Variants in ERO1B observed in about 807,000 individuals in gnomAD.
The protein encoded by ERO1B is endoplasmic reticulum oxidoreductase 1 beta.
ERO1B carries 49 observed loss-of-function variants against 75.3 expected under a neutral mutation model. That is an observed-to-expected ratio of 0.65 (90% CI 0.52 to 0.83). The LOEUF is 0.83. Among genes scored for constraint, ERO1B ranks in the 40% least tolerant of loss-of-function variants. ERO1B has a pLI of 0.00. For synonymous variants in ERO1B, 191 were observed against 192.9 expected (o/e 0.99, Z 0.08); for missense variants, 512 against 560.1 (o/e 0.91, Z 0.87).
At chr1:236,243,839 T>G (rs901831117) in intron 5 of ERO1B, among the ~76,000 whole-genome samples, 16 of 152,140 alleles carry the variant, frequency 1.1e-4, no homozygotes, top group Non-Finnish European at 7.4e-5. Context: ...ATTATAACGT[T>G]AAACGTATTT....
At chr1:236,234,778 G>A (rs569954053) in intron 8 of ERO1B, among the ~76,000 whole-genome samples, 12 of 152,196 alleles carry the variant, frequency 7.9e-5, no homozygotes, top group South Asian at 2.1e-4. Context: ...AACACTCCCC[G>A]TCTAAAGAAA....
chr1:236,273,160 G>A (rs1343453502), intron 1 of ERO1B, among the ~76,000 whole-genome samples: 1 of 152,108 alleles, frequency 6.6e-6, no homozygotes, highest in East Asian at 1.9e-4. Flanking sequence ...AGAGGAAGGC[G>A]GGAGTGTCAG....
chr1:236,227,911 C>A (rs1376321150), intron 10 of ERO1B, among the ~76,000 whole-genome samples: 1 of 152,084 alleles, frequency 6.6e-6, no homozygotes, highest in Non-Finnish European at 1.5e-5. Flanking sequence ...TTTGTAGCTT[C>A]CTCCCTAAAA....
intron 5 of ERO1B, among the ~76,000 whole-genome samples, chr1:236,244,871 T>C (rs1380218694): frequency 6.6e-6 from 1 of 152,202 alleles, no homozygotes; most frequent in Non-Finnish European, 1.5e-5. Context: ...TGAGAATTTC[T>C]TGGACTTAAC....
rs77359141 is a variant in ERO1B, at chr1:236,275,484, G to A, written c.103-5490C>T. Among the ~76,000 whole-genome samples, 737 of 152,276 alleles carry A rather than the reference G, an allele frequency of 4.8e-3. 4 individuals carry two copies. The highest frequency in any genetic ancestry group is 8.7e-3 in the Non-Finnish European group (594 of 68,024). On this transcript the variant is annotated intron_variant, in intron 1 of 15. Transcript: ENST00000354619. ...AGGCAGAGGGATGTGCAGAGCCTCC[G>A]TGCCTCTCTCAACATGCCACCCTCC...
intron 5 of ERO1B, among the ~76,000 whole-genome samples, chr1:236,246,919 C>CA (rs1283611423): frequency 6.6e-6 from 1 of 151,900 alleles, no homozygotes; most frequent in African/African-American, 2.4e-5. Context: ...TGTTCAACAA[C>CA]AAAAAACTAT....
Position 236,220,894 on chromosome 1 carries a change from A to T in ERO1B, c.1281T>A (p.Ser427Arg). ...EKEIQKLPEN[S>R]PSKGFQLTRQ... ...GGGTGAGTTGGAAGCCTTTAGATGGACTATTCTCTGGAAGCTTTTGGATTT... is the reference window on the plus strand; with the variant it reads ...GGGTGAGTTGGAAGCCTTTAGATGGTCTATTCTCTGGAAGCTTTTGGATTT... Residue 427 changes from serine to arginine, a missense_variant, in exon 15 of 16, where the codon AGT becomes AGA. By Grantham distance (110) the Ser-to-Arg change is moderately radical (BLOSUM62 -1). Transcript: ENST00000354619. 6.2e-7 allele frequency: 1 copy of T among 1,604,492 alleles called. No individual in the cohort carries two copies. The highest frequency in any genetic ancestry group is 2.3e-5 in the East Asian group (1 of 44,422).
chr1:236,273,954 T>C (rs1234174696), intron 1 of ERO1B, among the ~76,000 whole-genome samples: 1 of 150,754 alleles, frequency 6.6e-6, no homozygotes, highest in South Asian at 2.1e-4. Context: ...CAACAATGAA[T>C]GGGACTTACT....
At chr1:236,221,801 T>G in intron 14 of ERO1B, 123 bp downstream of exon 14, 1 of 713,744 alleles carries the variant, frequency 1.4e-6, no homozygotes, top group Non-Finnish European at 2.4e-6. Flanking sequence ...AAAAAACACC[T>G]TGGATCTGCC....
rs1664901261 is a variant in ERO1B at position 236,247,073 on chromosome 1, C to T, written c.431+2812G>A. 2.0e-5 allele frequency among the ~76,000 whole-genome samples: 3 copies of T among 151,996 alleles called. No individual in the cohort carries two copies. The South Asian group carries it at 6.2e-4, about 32-fold the overall frequency. ...CAAAGAATATAAACTGGCAATTTAC[C>T]CCAAAATCTTCCAATGACTTAAGCC... On this transcript the variant is annotated intron_variant, in intron 5 of 15. Coordinates refer to ENST00000354619, the MANE Select transcript of ERO1B (RefSeq NM_019891.4).
At chr1:236,233,302 T>A (rs1308989104) in intron 8 of ERO1B, among the ~76,000 whole-genome samples, 1 of 120,700 alleles carries the variant, frequency 8.3e-6, no homozygotes. Flanking sequence ...AGAGCAAAAT[T>A]CCGTCTCAAA....
At chr1:236,270,452 T>C (rs983331046) in intron 1 of ERO1B, among the ~76,000 whole-genome samples, 1 of 152,190 alleles carries the variant, frequency 6.6e-6, no homozygotes, top group Non-Finnish European at 1.5e-5. Flanking sequence ...AAGTATTTCA[T>C]GAATGAGGTA....
At chr1:236,226,583 T>C (rs904042171) in intron 11 of ERO1B, 64 bp downstream of exon 11, 4 of 1,594,460 alleles carry the variant, frequency 2.5e-6, no homozygotes, top group Non-Finnish European at 3.4e-6. Flanking sequence ...CTAAAGAATA[T>C]GTATTCTCTC....
At position 236,217,353 on chromosome 1, in the gene ERO1B, A is replaced by ACTGTTGGTATGAATCACAGAAAGTCCT. The variant is rs59891976; in HGVS notation, c.*1136_*1162dup. ...CAGATTTAGAAAATGACAGTTTAGG[A>ACTGTTGGTATGAATCACAGAAAGTCCT]CTGTTGGTATGAATCACAGAAAGTC... On this transcript the variant is annotated 3_prime_UTR_variant, in exon 16 of 16. Transcript: ENST00000354619. 4.0e-5 allele frequency: 6 copies of ACTGTTGGTATGAATCACAGAAAGTCCT among 151,116 alleles called. No homozygotes were observed. The highest frequency in any genetic ancestry group is 2.1e-4 in the South Asian group (1 of 4,786). The allele number at this position is 151,116 out of a possible 1,614,324, so 9.4% of individuals were successfully genotyped here.
chr1:236,270,245 C>T (rs1459743092), intron 1 of ERO1B, among the ~76,000 whole-genome samples: 2 of 152,156 alleles, frequency 1.3e-5, no homozygotes, highest in East Asian at 1.9e-4. Context: ...CCTTCCTCTA[C>T]TTAAACATAT....
rs1447597867 is a variant in ERO1B, at chr1:236,217,250, G to A, written c.*1266C>T. On this transcript the variant is annotated 3_prime_UTR_variant, in exon 16 of 16. Transcript: ENST00000354619. ...CTTGTACCTGCATTACTTCTACACA[G>A]ATGCAATCTTCCAAATTGTATCTGC... The A allele has an allele frequency of 6.6e-6, 1 of 152,024 alleles. No homozygotes were observed. The highest frequency in any genetic ancestry group is 1.5e-5 in the Non-Finnish European group (1 of 67,980). 9.4% of individuals were successfully genotyped at this position (152,024 alleles called of 1,614,324 possible). A position where few individuals can be genotyped will look rare whatever the true frequency, so the allele number is the denominator to read the frequency against.
Position 236,239,835 on chromosome 1 carries a change from G to GTATATATATGTGTGTATATATA in ERO1B, c.506-3438_506-3437insTATATATACACACATATATATA, listed in dbSNP as rs764354290. ...TGTATATATATATGTGTATATATAT[G>GTATATATATGTGTGTATATATA]TGTATATATATATGTGTATATATGT... On this transcript the variant is annotated intron_variant, in intron 6 of 15. Coordinates refer to ENST00000354619, the MANE Select transcript of ERO1B (RefSeq NM_019891.4). 4.7e-4 allele frequency among the ~76,000 whole-genome samples: 20 copies of GTATATATATGTGTGTATATATA among 42,324 alleles called. 1 individual carries two copies. The South Asian group carries it at 0.013, about 27-fold the overall frequency. The allele number at this position is 42,324 out of a possible 152,430, so 27.8% of individuals were successfully genotyped here.
At chr1:236,226,793 T>C (rs1196645004) in intron 10 of ERO1B, 54 bp from the exon 11 acceptor site, 2 of 1,374,794 alleles carry the variant, frequency 1.5e-6, no homozygotes, top group Non-Finnish European at 2.0e-6. Context: ...ATCAGAAATA[T>C]TGACTCAAGG....
At chr1:236,260,078 C>T (rs1188409297) in intron 2 of ERO1B, among the ~76,000 whole-genome samples, 2 of 151,860 alleles carry the variant, frequency 1.3e-5, no homozygotes, top group Admixed American at 6.6e-5. Flanking sequence ...ATCAATGAAA[C>T]CAAAGTTTTT....
Sources: allele counts gnomAD v4.1 joint callset (sites outside exome capture counted in the v4.1 genomes callset), GRCh38; gene constraint gnomAD v4.1.1; transcripts MANE v1.5; gene names NCBI Gene and HGNC (gene_info 2026-07-23, HGNC 2026-07-21).